Variants in MYO19 observed in about 807,000 individuals in gnomAD.
MYO19 encodes the protein myosin XIX.
Under a neutral mutation model 129.2 loss-of-function variants are expected in MYO19, and 132 were observed. That is an observed-to-expected ratio of 1.02 (90% CI 0.89 to 1.18). MYO19 has a LOEUF of 1.18. Ranked by LOEUF, MYO19 falls within the 50% of genes most tolerant of loss-of-function variation. MYO19 has a pLI of 0.00. For synonymous variants in MYO19, 531 were observed against 477.2 expected, an observed-to-expected ratio of 1.11 and a Z score of -1.47; for missense variants, 1,210 against 1,216.7, an observed-to-expected ratio of 0.99 and a Z score of 0.08.
intron 6 of MYO19, among the ~76,000 whole-genome samples, chr17:36,518,590 G>GTA (rs1460829845): frequency 2.6e-4 from 30 of 116,256 alleles, no homozygotes; most frequent in Middle Eastern, 6.3e-3. Context: ...ATAAAAGTAT[G>GTA]TATATATATA....
In MYO19 at chr17:36,509,250, T is replaced by C. The variant is rs1278024043; in HGVS notation, c.1158-115A>G. The stretch of plus-strand genomic sequence containing the variant: ...CTGGGGGGCCCTTGTATTCTGAGCC[T>C]GACAGGTCAAAGACCAAATCCTCTC... On this transcript the variant is annotated intron_variant, in intron 13 of 25. Transcript: ENST00000614623. The C allele has an allele frequency of 8.1e-6, 7 of 863,706 alleles. No individual in the cohort carries two copies. In the Admixed American group the frequency reaches 8.3e-5, roughly 10 times the overall value. The allele number at this position is 863,706 out of a possible 1,614,324, so 53.5% of individuals were successfully genotyped here.
chr17:36,539,472 G>C (rs565194539), upstream of MYO19, among the ~76,000 whole-genome samples: 43 of 152,134 alleles, frequency 2.8e-4, no homozygotes, highest in South Asian at 1.7e-3. Context: ...ACAGTTAAAT[G>C]CACCAAAGAA....
rs757711317 is a variant in MYO19 at position 36,525,217 on chromosome 17, C to T, written c.414+11G>A. 19 of 1,597,408 alleles carry T rather than the reference C, an allele frequency of 1.2e-5. No homozygotes were observed. Among genetic ancestry groups the T allele is most frequent in the East Asian group, 2.2e-5 (1 of 44,776 alleles). ...TCGTGAGTTGACAGGATGGGAAAGA[C>T]GTCTTCCTACCTTTCCAGCACCACT... is the stretch of plus-strand genomic sequence containing the variant. On this transcript the variant is annotated intron_variant, in intron 6 of 25. Transcript: ENST00000614623.
At position 36,504,331 on chromosome 17, in the gene MYO19, C is replaced by T. The variant is rs2071735358; in HGVS notation, c.1906-311G>A. The stretch of plus-strand genomic sequence containing the variant: ...CAGTGTAGTCTCACTACCACACAAC[C>T]CAGCCCAGGCAAATTTCCAGTTTGG... On this transcript the variant is annotated intron_variant, in intron 19 of 25. Transcript: ENST00000614623. 1.5e-5 allele frequency: 5 copies of T among 336,924 alleles called. 1 individual carries two copies. In the South Asian group the frequency reaches 4.3e-4, roughly 29 times the overall value. The allele number at this position is 336,924 out of a possible 1,614,324, so 20.9% of individuals were successfully genotyped here.
intron 25 of MYO19, chr17:36,497,621 G>A: frequency 1.1e-6 from 1 of 873,796 alleles, no homozygotes; most frequent in Non-Finnish European, 1.4e-6. Context: ...CTCTCGTCCT[G>A]TCACCCAGGC....
chr17:36,524,247 C>G (rs537201904), intron 6 of MYO19, among the ~76,000 whole-genome samples: 2 of 152,310 alleles, frequency 1.3e-5, no homozygotes, highest in East Asian at 1.9e-4. Context: ...TCTTTGTTTT[C>G]TTATCTGTCT....
intron 5 of MYO19, 91 bp downstream of exon 5, chr17:36,527,460 G>T (rs2073544683): frequency 1.4e-6 from 2 of 1,406,332 alleles, no homozygotes; most frequent in South Asian, 2.9e-5. Context: ...CACATTGCTG[G>T]TGAATAGATG....
upstream of MYO19, chr17:36,535,666 TA>T (rs1474979940): frequency 2.0e-5 from 3 of 152,298 alleles, no homozygotes; most frequent in Non-Finnish European, 4.4e-5. Flanking sequence ...TTTTTATGTT[TA>T]TTTTTTAAGA....
chr17:36,543,899 T>C (rs1352544634), upstream of MYO19, among the ~76,000 whole-genome samples: 1 of 152,230 alleles, frequency 6.6e-6, no homozygotes, highest in Non-Finnish European at 1.5e-5. Flanking sequence ...AGTGCTGGGA[T>C]TACAGGCGTG....
At chr17:36,513,052 G>A in intron 11 of MYO19, 4 of 1,172,998 alleles carry the variant, frequency 3.4e-6, no homozygotes, top group Non-Finnish European at 4.3e-6. Flanking sequence ...AACACACACA[G>A]AGGACTGTTT....
chr17:36,525,545 G>A (rs536051372), intron 5 of MYO19, among the ~76,000 whole-genome samples: 35 of 152,304 alleles, frequency 2.3e-4, no homozygotes, highest in African/African-American at 7.9e-4. Context: ...CAGCCTAGAA[G>A]CAGGGCTAGC....
chr17:36,515,272 C>T lies in MYO19; in HGVS notation c.548-90G>A, dbSNP rs539072314. 5.0e-4 allele frequency: 618 copies of T among 1,230,924 alleles called. 9 individuals carry two copies. The South Asian group carries it at 8.1e-3, about 16-fold the overall frequency. 76.3% of individuals were successfully genotyped at this position (1,230,924 alleles called of 1,614,324 possible). A position where few individuals can be genotyped will look rare whatever the true frequency, so the allele number is the denominator to read the frequency against. On this transcript the variant is annotated intron_variant, in intron 7 of 25. Coordinates refer to ENST00000614623, the MANE Select transcript of MYO19 (RefSeq NM_001163735.2). ...GCTGCAGGTCTCTGGAGGTCATGTT[C>T]CCGTGCTCAAGTCACCTAAAGGCCC... is the stretch of plus-strand genomic sequence containing the variant.
At chr17:36,514,627 T>A in intron 8 of MYO19, 79 bp from the exon 9 acceptor site, 4 of 956,490 alleles carry the variant, frequency 4.2e-6, no homozygotes, top group Non-Finnish European at 6.6e-6. Flanking sequence ...TGTGCCAGAT[T>A]GCCTGCTACC....
At chr17:36,519,048 C>T (rs550716872) in intron 6 of MYO19, among the ~76,000 whole-genome samples, 10 of 152,160 alleles carry the variant, frequency 6.6e-5, no homozygotes, top group Admixed American at 1.3e-4. Context: ...GCACAAGCCA[C>T]CACGCTTGGC....
intron 23 of MYO19, 105 bp from the exon 24 acceptor site, chr17:36,499,265 C>A: frequency 8.4e-6 from 6 of 712,566 alleles, no homozygotes; most frequent in Non-Finnish European, 1.1e-5. Context: ...GTTTCAAATA[C>A]GTTTTTTTTT....
In MYO19 at chr17:36,510,653, T is replaced by A. The variant is rs190309501; in HGVS notation, c.1157+93A>T. On this transcript the variant is annotated intron_variant, in intron 13 of 25. Coordinates refer to ENST00000614623, the MANE Select transcript of MYO19 (RefSeq NM_001163735.2). ...TCTGTCTTATCTCCCACCCTGGGCC[T>A]GTGCCTATTGCCTGATGTTGTCTGG... 24 of 1,390,756 alleles carry A rather than the reference T, an allele frequency of 1.7e-5. No individual in the cohort carries two copies. The East Asian group carries it at 6.0e-4, about 35-fold the overall frequency. 86.2% of individuals were successfully genotyped at this position (1,390,756 alleles called of 1,614,324 possible). A position where few individuals can be genotyped will look rare whatever the true frequency, so the allele number is the denominator to read the frequency against.
chr17:36,497,226 T>C (rs1005454184), intron 25 of MYO19, among the ~76,000 whole-genome samples: 1 of 150,462 alleles, frequency 6.6e-6, no homozygotes, highest in African/African-American at 2.5e-5. Flanking sequence ...TAGTCCCAGC[T>C]ATTCGGGAGG....
chr17:36,535,787 C>A (rs2074101320), upstream of MYO19, among the ~76,000 whole-genome samples: 1 of 152,034 alleles, frequency 6.6e-6, no homozygotes, highest in Non-Finnish European at 1.5e-5. Context: ...CCTGGCATTA[C>A]AGGCGCGCAC....
At chr17:36,538,034 G>C, upstream of MYO19, 2 of 1,614,066 alleles carry the variant, frequency 1.2e-6, no homozygotes, top group Non-Finnish European at 1.7e-6. Flanking sequence ...CTACCCTGGG[G>C]TATGTGGCAA....
Sources: gnomAD v4.1 joint callset for allele counts (sites outside exome capture counted in the v4.1 genomes callset) on GRCh38, gnomAD v4.1.1 for gene constraint, MANE v1.5 for transcripts, NCBI Gene and HGNC (gene_info 2026-07-23, HGNC 2026-07-21) for gene names.